ABCB1: variants seen among roughly 807,000 people sequenced by gnomAD.
The protein encoded by ABCB1 is ATP-dependent translocase ABCB1.
A neutral mutation model predicts 142.0 loss-of-function variants in ABCB1; 69 were observed. The ratio of observed to expected loss-of-function variants is 0.49; its 90% CI spans 0.40 to 0.59. The LOEUF (loss-of-function observed/expected upper bound fraction) is 0.59. ABCB1 is among the 20% of genes least tolerant of loss of function. The pLI, the probability that ABCB1 is intolerant of heterozygous loss-of-function variation, is 0.00. For synonymous variants in ABCB1, 532 were observed against 539.2 expected (o/e 0.99, Z 0.18); for missense variants, 1,326 against 1,554.7 (o/e 0.85, Z 2.47).
intron 24 of ABCB1, 71 bp from the exon 25 acceptor site, chr7:87,515,499 C>T (rs918463973): frequency 1.7e-5 from 24 of 1,373,308 alleles, no homozygotes; most frequent in Non-Finnish European, 2.2e-5. Flanking sequence ...CTAACTCTCT[C>T]GATTACCAGG....
chr7:87,679,556 AT>A (rs1826720901), intron 1 of ABCB1, among the ~76,000 whole-genome samples: 1 of 149,824 alleles, frequency 6.7e-6, no homozygotes, highest in South Asian at 2.1e-4. Context: ...CACCCAGCTA[AT>A]TTTTTGATTT....
At chr7:87,633,699 C>A (rs1821456503) in intron 1 of ABCB1, among the ~76,000 whole-genome samples, 1 of 151,884 alleles carries the variant, frequency 6.6e-6, no homozygotes, top group South Asian at 2.1e-4. Flanking sequence ...ACCCAGAGGC[C>A]TGAGTTAAGT....
intron 3 of ABCB1, among the ~76,000 whole-genome samples, chr7:87,593,061 A>G (rs1819060553): frequency 6.6e-6 from 1 of 151,652 alleles, no homozygotes. Context: ...CGAGTAGCTG[A>G]GACTACAGGC....
intron 1 of ABCB1, among the ~76,000 whole-genome samples, chr7:87,626,110 A>AT (rs1289336253): frequency 6.2e-5 from 8 of 128,332 alleles, no homozygotes; most frequent in African/African-American, 2.4e-4. Context: ...TGTCATATAT[A>AT]TGTGTCATAT....
At chr7:87,660,823 T>C (rs1386442916) in intron 1 of ABCB1, among the ~76,000 whole-genome samples, 2 of 151,986 alleles carry the variant, frequency 1.3e-5, no homozygotes, top group Non-Finnish European at 2.9e-5. Context: ...CTTTGTCTTA[T>C]GAGTAATTTG....
chr7:87,629,073 G>T, intron 1 of ABCB1: 2 of 935,628 alleles, frequency 2.1e-6, no homozygotes, highest in Non-Finnish European at 2.8e-6. Context: ...TGTTGCGCCA[G>T]CCAAATCTGT....
intron 1 of ABCB1, among the ~76,000 whole-genome samples, chr7:87,648,112 G>A (rs1457837609): frequency 1.3e-5 from 2 of 150,852 alleles, no homozygotes; most frequent in African/African-American, 2.4e-5. Context: ...GTGAACCGGG[G>A]TGGCATAGCT....
chr7:87,582,086 T>C (rs1199222585), intron 4 of ABCB1, among the ~76,000 whole-genome samples: 1 of 152,078 alleles, frequency 6.6e-6, no homozygotes, highest in Non-Finnish European at 1.5e-5. Flanking sequence ...GATAGTGTAG[T>C]AAGCGTCCTA....
At chr7:87,580,719 C>G (rs1818470949) in intron 4 of ABCB1, among the ~76,000 whole-genome samples, 1 of 152,130 alleles carries the variant, frequency 6.6e-6, no homozygotes, top group South Asian at 2.1e-4. Context: ...TTTTGTAGGT[C>G]TTGTGGGCAT....
At chr7:87,528,222 CTG>C (rs935184305) in intron 21 of ABCB1, among the ~76,000 whole-genome samples, 3 of 152,156 alleles carry the variant, frequency 2.0e-5, no homozygotes, top group Non-Finnish European at 4.4e-5. Context: ...ACATGTAACA[CTG>C]TATCTTTACA....
intron 1 of ABCB1, among the ~76,000 whole-genome samples, chr7:87,649,801 G>A (rs752210194): frequency 1.1e-4 from 16 of 152,062 alleles, no homozygotes; most frequent in African/African-American, 1.2e-4. Context: ...TCATGGCAGC[G>A]GGCCTTTCCC....
chr7:87,621,828 TTTA>T (rs1413579894), intron 1 of ABCB1, among the ~76,000 whole-genome samples: 1 of 152,132 alleles, frequency 6.6e-6, no homozygotes, highest in Admixed American at 6.5e-5. Context: ...TTTCTATGGA[TTTA>T]TTATCATGGG....
chr7:87,621,838 T>C (rs76123176), intron 1 of ABCB1, among the ~76,000 whole-genome samples: 4 of 152,124 alleles, frequency 2.6e-5, no homozygotes, highest in Non-Finnish European at 5.9e-5. Flanking sequence ...TTTATTATCA[T>C]GGGCACAATT....
intron 1 of ABCB1, among the ~76,000 whole-genome samples, chr7:87,683,928 C>T (rs1404189187): frequency 6.6e-6 from 1 of 152,140 alleles, no homozygotes; most frequent in Non-Finnish European, 1.5e-5. Context: ...CTCATGGACA[C>T]AGACATCAGA....
Position 87,503,783 on chromosome 7 carries a change from T to A in ABCB1, c.*460A>T, listed in dbSNP as rs910974881. ...ATGAGTAGGTATATTTAAAGAAAAC[T>A]TTTTTAAAGCAGAAGTTATCTACAA... On this transcript the variant is annotated 3_prime_UTR_variant, in exon 28 of 28. Coordinates refer to ENST00000622132, the MANE Select transcript of ABCB1 (RefSeq NM_001348946.2). 6.6e-4 allele frequency: 134 copies of A among 204,522 alleles called. 1 individual carries two copies. Among genetic ancestry groups the A allele is most frequent in the Non-Finnish European group, 5.0e-5 (5 of 99,936 alleles). 12.7% of individuals were successfully genotyped at this position (204,522 alleles called of 1,614,324 possible).
At chr7:87,664,823 T>C (rs1825069588) in intron 1 of ABCB1, among the ~76,000 whole-genome samples, 1 of 152,116 alleles carries the variant, frequency 6.6e-6, no homozygotes, top group Non-Finnish European at 1.5e-5. Context: ...GACAAAATAA[T>C]AGCTATAAGT....
intron 1 of ABCB1, among the ~76,000 whole-genome samples, chr7:87,643,304 A>C (rs1822635994): frequency 6.6e-6 from 1 of 152,170 alleles, no homozygotes; most frequent in African/African-American, 2.4e-5. Flanking sequence ...TCAGGGTACA[A>C]ATTTCAGGGA....
intron 1 of ABCB1, 35 bp from the exon 2 acceptor site, chr7:87,600,225 T>G (rs200672118): frequency 8.8e-6 from 14 of 1,588,662 alleles, no homozygotes; most frequent in African/African-American, 5.4e-5. Flanking sequence ...GCCAAATGCA[T>G]GAGCCTCAGG....
intron 3 of ABCB1, among the ~76,000 whole-genome samples, chr7:87,588,737 G>A (rs2129944399): frequency 6.6e-6 from 1 of 152,292 alleles, no homozygotes; most frequent in South Asian, 2.1e-4. Flanking sequence ...AGGTCTTTGA[G>A]GAATCACCAC....
Sources: gnomAD v4.1 joint callset for allele counts (sites outside exome capture counted in the v4.1 genomes callset) on GRCh38, gnomAD v4.1.1 for gene constraint, MANE v1.5 for transcripts, NCBI Gene and HGNC (gene_info 2026-07-23, HGNC 2026-07-21) for gene names.